The following LRRC7 variants were observed in gnomAD, a reference collection of about 807,000 sequenced individuals.
LRRC7 encodes the protein leucine rich repeat containing 7.
A neutral mutation model predicts 175.7 loss-of-function variants in LRRC7; 23 were observed. The observed-to-expected ratio is 0.13, with a 90% confidence interval of 0.09 to 0.19. LRRC7 has a LOEUF of 0.19. Ranked by LOEUF, LRRC7 falls within the 10% of genes least tolerant of loss-of-function variation. The pLI, the probability that LRRC7 is intolerant of heterozygous loss-of-function variation, is 1.00. For missense variants in LRRC7, 1,354 were observed against 1,904.7 expected (o/e 0.71, Z 5.38); for synonymous variants, 685 against 680.9 (o/e 1.01, Z -0.09).
chr1:69,980,151 C>G (rs1653271593), intron 8 of LRRC7, among the ~76,000 whole-genome samples: 1 of 151,944 alleles, frequency 6.6e-6, no homozygotes, highest in Non-Finnish European at 1.5e-5. Flanking sequence ...AGTAATAGAT[C>G]TTCAATTTTA....
At chr1:70,093,326 A>T (rs1227588799) in intron 25 of LRRC7, among the ~76,000 whole-genome samples, 1 of 152,144 alleles carries the variant, frequency 6.6e-6, no homozygotes, top group Non-Finnish European at 1.5e-5. Context: ...ATATGAATTT[A>T]TGAATTTATG....
At chr1:70,066,915 C>T (rs1372817876) in intron 23 of LRRC7, among the ~76,000 whole-genome samples, 1 of 152,000 alleles carries the variant, frequency 6.6e-6, no homozygotes, top group Non-Finnish European at 1.5e-5. Flanking sequence ...TGTGTTTTGT[C>T]TTAGTCATTC....
In LRRC7 at chr1:69,586,841, C is replaced by G. The variant is rs1019853963; in HGVS notation, c.2+18200C>G. Among the ~76,000 whole-genome samples the G allele has an allele frequency of 2.0e-5, 3 of 147,232 alleles. No homozygotes were observed. In the East Asian group the frequency reaches 6.1e-4, roughly 30 times the overall value. On this transcript the variant is annotated intron_variant, in intron 1 of 26. Transcript: ENST00000651989. ...TTTGTTGATTATTTAGCATCAAAAG[C>G]TGAGATTCTAAGAAATTCCATTTAT...
intron 11 of LRRC7, among the ~76,000 whole-genome samples, chr1:70,001,933 A>G (rs1187191859): frequency 6.6e-6 from 1 of 152,218 alleles, no homozygotes; most frequent in Non-Finnish European, 1.5e-5. Flanking sequence ...ATCAACAGAT[A>G]CAGAAACAGA....
chr1:70,023,053 A>G, intron 16 of LRRC7, 73 bp from the exon 17 acceptor site: 3 of 1,373,498 alleles, frequency 2.2e-6, no homozygotes, highest in Non-Finnish European at 2.9e-6. Flanking sequence ...AAGAGAGTAG[A>G]AAAATGATAA....
chr1:69,889,521 C>T (rs1645767121), intron 7 of LRRC7, among the ~76,000 whole-genome samples: 1 of 152,192 alleles, frequency 6.6e-6, no homozygotes, highest in Non-Finnish European at 1.5e-5. Context: ...CAAGAAACCA[C>T]TTTCGCTAGG....
At chr1:69,915,533 A>T (rs774166842) in intron 7 of LRRC7, among the ~76,000 whole-genome samples, 8 of 152,124 alleles carry the variant, frequency 5.3e-5, no homozygotes, top group South Asian at 2.1e-4. Flanking sequence ...GGTTACATAA[A>T]CAGGAAGTAG....
At chr1:69,930,906 C>T (rs931872441) in intron 7 of LRRC7, among the ~76,000 whole-genome samples, 4 of 149,796 alleles carry the variant, frequency 2.7e-5, no homozygotes, top group African/African-American at 1.0e-4. Context: ...GATCCAATCA[C>T]CTCCCACCAG....
chr1:69,924,748 G>A (rs1338261664), intron 7 of LRRC7, among the ~76,000 whole-genome samples: 1 of 152,192 alleles, frequency 6.6e-6, no homozygotes, highest in Non-Finnish European at 1.5e-5. Flanking sequence ...TCTGCAAACA[G>A]GGACAATTTG....
chr1:69,933,056 A>G (rs1647553772), intron 8 of LRRC7, among the ~76,000 whole-genome samples: 1 of 152,220 alleles, frequency 6.6e-6, no homozygotes, highest in Non-Finnish European at 1.5e-5. Context: ...CCTCCAGCAC[A>G]GGATGAGCAG....
At chr1:69,933,573 C>T (rs774607030) in intron 8 of LRRC7, among the ~76,000 whole-genome samples, 1 of 152,146 alleles carries the variant, frequency 6.6e-6, no homozygotes, top group African/African-American at 2.4e-5. Flanking sequence ...ACTTCCTTAT[C>T]AATACAGTAA....
At chr1:69,785,741 G>T (rs148266210) in intron 3 of LRRC7, among the ~76,000 whole-genome samples, 1 of 151,868 alleles carries the variant, frequency 6.6e-6, no homozygotes, top group Non-Finnish European at 1.5e-5. Flanking sequence ...AAGTTAATCA[G>T]TATCTTTGCC....
Position 70,091,341 on chromosome 1 carries a change from A to G in LRRC7, c.4545+1522A>G, listed in dbSNP as rs57324392. ...ATGACATTTTTTAAAACCTCAAATCATTATGTCTTATTTATCTTGACTCCT... is the reference window on the plus strand; with the variant it reads ...ATGACATTTTTTAAAACCTCAAATCGTTATGTCTTATTTATCTTGACTCCT... On this transcript the variant is annotated intron_variant, in intron 25 of 26. Transcript: ENST00000651989. Among the ~76,000 whole-genome samples, 1,204 of 152,214 alleles carry G rather than the reference A, an allele frequency of 7.9e-3. 24 individuals carry two copies. The highest frequency in any genetic ancestry group is 0.028 in the African/African-American group (1,155 of 41,556).
intron 7 of LRRC7, among the ~76,000 whole-genome samples, chr1:69,840,483 G>T (rs554086988): frequency 1.3e-5 from 2 of 151,952 alleles, no homozygotes; most frequent in Non-Finnish European, 1.5e-5. Context: ...ATGTTGCATT[G>T]TTAGTTATTT....
At chr1:70,032,224 C>T (rs1390337287) in intron 18 of LRRC7, among the ~76,000 whole-genome samples, 1 of 152,152 alleles carries the variant, frequency 6.6e-6, no homozygotes, top group Non-Finnish European at 1.5e-5. Context: ...TAATGTAACT[C>T]ACAGTGTCCC....
chr1:69,674,128 C>G (rs969541983), intron 1 of LRRC7, among the ~76,000 whole-genome samples: 2 of 152,052 alleles, frequency 1.3e-5, no homozygotes, highest in Non-Finnish European at 2.9e-5. Flanking sequence ...CTCACCTCAG[C>G]CTCCTGAGTA....
intron 18 of LRRC7, among the ~76,000 whole-genome samples, chr1:70,035,625 C>CAAAAAAA (rs765207825): frequency 1.4e-5 from 1 of 71,840 alleles, no homozygotes; most frequent in Non-Finnish European, 2.9e-5. Flanking sequence ...TAGGGATGCA[C>CAAAAAAA]AAAAAAAAAA....
At position 70,040,795 on chromosome 1, in the gene LRRC7, C is replaced by G. The variant is rs556367491; in HGVS notation, c.3969+1002C>G. 4.0e-5 allele frequency among the ~76,000 whole-genome samples: 6 copies of G among 151,732 alleles called. No individual in the cohort carries two copies. In the South Asian group the frequency reaches 1.3e-3, roughly 32 times the overall value. On this transcript the variant is annotated intron_variant, in intron 21 of 26. Transcript: ENST00000651989. ...CACCACTGCCCTCCAGCCTGGGTGA[C>G]AAAGTGAGACTCTGTCTTGGGGAAA...
chr1:69,986,207 C>T (rs1335512040), intron 9 of LRRC7, 35 bp from the exon 10 acceptor site: 2 of 1,590,942 alleles, frequency 1.3e-6, no homozygotes, highest in South Asian at 1.1e-5. Flanking sequence ...GTGAAAGTCT[C>T]TCAACTAACC....
Sources: gnomAD v4.1 joint callset for allele counts (sites outside exome capture counted in the v4.1 genomes callset) on GRCh38, gnomAD v4.1.1 for gene constraint, MANE v1.5 for transcripts, NCBI Gene and HGNC (gene_info 2026-07-23, HGNC 2026-07-21) for gene names.